The following PTPRD variants were observed in gnomAD, a reference collection of about 807,000 sequenced individuals.
The protein encoded by PTPRD is receptor-type tyrosine-protein phosphatase delta.
PTPRD carries 34 observed loss-of-function variants against 214.5 expected under a neutral mutation model. That is an observed-to-expected ratio of 0.16 (90% confidence interval 0.12 to 0.21). The LOEUF (loss-of-function observed/expected upper bound fraction) is 0.21. Among genes scored for constraint, PTPRD ranks in the 10% least tolerant of loss-of-function variants. PTPRD has a pLI of 1.00. For missense variants in PTPRD, 2,545 were observed against 2,398.7 expected (o/e 1.06, Z -1.27); for synonymous variants, 1,128 against 845.7 (o/e 1.33, Z -5.79).
intron 5 of PTPRD, among the ~76,000 whole-genome samples, chr9:9,779,098 A>AAAAAAAAAAAAAAAAAAAC (rs2098822930): frequency 6.7e-6 from 1 of 148,416 alleles, no homozygotes; most frequent in African/African-American, 2.5e-5. Flanking sequence ...AAAAAAAAAA[A>AAAAAAAAAAAAAAAAAAAC]AAAAAAGCAA....
intron 2 of PTPRD, among the ~76,000 whole-genome samples, chr9:10,513,525 G>T (rs1262960693): frequency 6.6e-6 from 1 of 152,146 alleles, no homozygotes; most frequent in Non-Finnish European, 1.5e-5. Flanking sequence ...TAAGGAACAG[G>T]TAGATAAGTT....
chr9:10,151,915 G>T (rs1050392607), intron 3 of PTPRD, among the ~76,000 whole-genome samples: 2 of 152,272 alleles, frequency 1.3e-5, no homozygotes, highest in Middle Eastern at 6.8e-3. Context: ...CTATGCTATG[G>T]ATATACCACA....
At chr9:8,958,538 T>C (rs1474361981) in intron 11 of PTPRD, among the ~76,000 whole-genome samples, 3 of 151,936 alleles carry the variant, frequency 2.0e-5, no homozygotes, top group Non-Finnish European at 4.4e-5. Context: ...CCAGTCATGA[T>C]AAACCCATTA....
chr9:10,560,090 T>C (rs866646378), intron 2 of PTPRD, among the ~76,000 whole-genome samples: 7 of 152,272 alleles, frequency 4.6e-5, no homozygotes, highest in African/African-American at 1.7e-4. Context: ...ATCATGTTGC[T>C]ATAAAAACAC....
intron 39 of PTPRD, among the ~76,000 whole-genome samples, chr9:8,352,230 T>A (rs561209644): frequency 1.3e-5 from 2 of 152,200 alleles, no homozygotes; most frequent in Non-Finnish European, 2.9e-5. Flanking sequence ...GGCTAATGTG[T>A]TCGCGTAAAG....
intron 33 of PTPRD, among the ~76,000 whole-genome samples, chr9:8,459,088 G>C (rs1226657389): frequency 3.9e-5 from 6 of 151,960 alleles, no homozygotes. Context: ...CTTTTTTTAA[G>C]AGTCAAGATA....
intron 8 of PTPRD, among the ~76,000 whole-genome samples, chr9:9,432,037 G>T (rs1057005299): frequency 8.9e-5 from 12 of 135,496 alleles, no homozygotes; most frequent in African/African-American, 3.4e-4. Context: ...ATGTACCCTA[G>T]AACTTAAAGT....
At chr9:8,624,081 T>A (rs554145336) in intron 14 of PTPRD, among the ~76,000 whole-genome samples, 2 of 151,906 alleles carry the variant, frequency 1.3e-5, no homozygotes, top group African/African-American at 4.8e-5. Context: ...AGAAATAATA[T>A]TCTAGTACGA....
intron 11 of PTPRD, among the ~76,000 whole-genome samples, chr9:8,930,793 C>T (rs2098947265): frequency 6.6e-6 from 1 of 152,098 alleles, no homozygotes; most frequent in African/African-American, 2.4e-5. Flanking sequence ...CCTTTGCCCA[C>T]TTTTTGATGG....
chr9:9,798,434 G>C (rs1382066369), intron 5 of PTPRD, among the ~76,000 whole-genome samples: 1 of 152,068 alleles, frequency 6.6e-6, no homozygotes, highest in East Asian at 1.9e-4. Flanking sequence ...TAAATTGGGG[G>C]GAATTTATCA....
At chr9:10,387,421 C>A (rs1232458474) in intron 2 of PTPRD, among the ~76,000 whole-genome samples, 1 of 151,750 alleles carries the variant, frequency 6.6e-6, no homozygotes, top group Non-Finnish European at 1.5e-5. Context: ...AGTGAGGATT[C>A]AGTTATATCA....
At chr9:9,293,904 G>GT (rs34305495) in intron 9 of PTPRD, among the ~76,000 whole-genome samples, 16,869 of 151,286 alleles carry the variant, frequency 0.11, 945 homozygotes, top group Middle Eastern at 0.17. Flanking sequence ...TCAGCATTCA[G>GT]TTTTTTTTAA....
intron 2 of PTPRD, among the ~76,000 whole-genome samples, chr9:10,536,325 A>C (rs1331916066): frequency 1.3e-5 from 2 of 152,120 alleles, no homozygotes; most frequent in South Asian, 2.1e-4. Flanking sequence ...AAGTCACAGA[A>C]TTTTATTGAT....
rs1221703490 is a variant in PTPRD, at chr9:8,449,787, T to G, written c.3926A>C (p.Glu1309Ala). The change falls in exon 34 of 46, where the codon GAG (glutamate) becomes GCG (alanine). Residue 1309 changes from glutamate (E) to alanine (A), a missense_variant. Coordinates refer to ENST00000381196, the MANE Select transcript of PTPRD (RefSeq NM_002839.4). ...GTCTGTTGGGTGGTGTGAAGGGATC[T>G]CCTTATTGTTCGGTATGCTGCTTTT... ...SRKSSIPNNK[E>A]IPSHHPTDPV... 2 of 1,613,996 alleles carry G rather than the reference T, an allele frequency of 1.2e-6. No homozygotes were observed. The highest frequency in any genetic ancestry group is 1.7e-6 in the Non-Finnish European group (2 of 1,179,990).
At chr9:9,043,353 G>C (rs1255488303) in intron 10 of PTPRD, among the ~76,000 whole-genome samples, 1 of 152,096 alleles carries the variant, frequency 6.6e-6, no homozygotes, top group Non-Finnish European at 1.5e-5. Context: ...ACCTTTGTTA[G>C]TCTATACCAC....
rs567482824 is a variant in PTPRD at position 8,869,443 on chromosome 9, G to T, written c.-103-135497C>A. Among the ~76,000 whole-genome samples, 62 of 152,152 alleles carry T rather than the reference G, an allele frequency of 4.1e-4. No individual in the cohort carries two copies. In the South Asian group the frequency reaches 0.012, roughly 31 times the overall value. ...GAGAACCTTAAGAGATATCTTTTAAGGCTCCTAATAATTTTGTAAGTGGCA... is the reference window on the plus strand; with the variant it reads ...GAGAACCTTAAGAGATATCTTTTAATGCTCCTAATAATTTTGTAAGTGGCA... On this transcript the variant is annotated intron_variant, in intron 11 of 45. Coordinates refer to ENST00000381196, the MANE Select transcript of PTPRD (RefSeq NM_002839.4).
chr9:8,758,761 C>CTT lies in PTPRD; in HGVS notation c.-103-24817_-103-24816dup, dbSNP rs35398834. Among the ~76,000 whole-genome samples, 203 of 145,100 alleles carry CTT rather than the reference C, an allele frequency of 1.4e-3. 1 individual carries two copies. Among genetic ancestry groups the CTT allele is most frequent in the African/African-American group, 4.9e-3 (192 of 39,562 alleles). On this transcript the variant is annotated intron_variant, in intron 11 of 45. Coordinates refer to ENST00000381196, the MANE Select transcript of PTPRD (RefSeq NM_002839.4). ...AAAGAACGAGATATTAGAAAATAAC[C>CTT]TTTTTTTTTTTTTTGAGATGGAGTC...
chr9:8,665,483 AGAG>A (rs2097152220), intron 12 of PTPRD, among the ~76,000 whole-genome samples: 1 of 152,216 alleles, frequency 6.6e-6, no homozygotes, highest in Non-Finnish European at 1.5e-5. Context: ...ACAGCTACTG[AGAG>A]GAGGACAGCT....
At chr9:10,531,820 G>A (rs833430) in intron 2 of PTPRD, among the ~76,000 whole-genome samples, 19,144 of 152,038 alleles carry the variant, frequency 0.13, 1,840 homozygotes, top group East Asian at 0.49. Context: ...TGTATCAATG[G>A]TATTCCAACA....
Sources: gnomAD v4.1 joint callset for allele counts (sites outside exome capture counted in the v4.1 genomes callset) on GRCh38, gnomAD v4.1.1 for gene constraint, MANE v1.5 for transcripts, NCBI Gene and HGNC (gene_info 2026-07-23, HGNC 2026-07-21) for gene names.